The following CLINT1 variants were observed in gnomAD, a reference collection of about 807,000 sequenced individuals.
CLINT1 encodes the protein clathrin interacting protein localized in the trans-Golgi region.
Under a neutral mutation model 70.4 loss-of-function variants are expected in CLINT1, and 15 were observed. The ratio of observed to expected loss-of-function variants is 0.21; its 90% CI spans 0.14 to 0.33. The LOEUF (loss-of-function observed/expected upper bound fraction) is 0.33. CLINT1 is among the 10% of genes least tolerant of loss of function. CLINT1 has a pLI of 1.00. For missense variants in CLINT1, 615 were observed against 778.1 expected (o/e 0.79, Z 2.49); for synonymous variants, 227 against 254.7 (o/e 0.89, Z 1.04).
intron 5 of CLINT1, among the ~76,000 whole-genome samples, chr5:157,810,348 A>G (rs1762517778): frequency 6.6e-6 from 1 of 152,202 alleles, no homozygotes; most frequent in Non-Finnish European, 1.5e-5. Context: ...AAATAATTCA[A>G]TGAATTTTCA....
intron 7 of CLINT1, among the ~76,000 whole-genome samples, chr5:157,804,493 T>C (rs191041424): frequency 2.0e-5 from 3 of 152,304 alleles, no homozygotes; most frequent in Admixed American, 6.5e-5. Flanking sequence ...GATTTGAACT[T>C]TGAAAACTAA....
intron 10 of CLINT1, chr5:157,790,513 A>G (rs1258618584): frequency 5.7e-6 from 2 of 349,496 alleles, no homozygotes; most frequent in Non-Finnish European, 1.1e-5. Context: ...GAATTATGAC[A>G]GTTACAATTA....
In CLINT1 at chr5:157,858,933, T is replaced by C; in HGVS notation, c.38A>G (p.Lys13Arg). Residue 13 changes from lysine to arginine, a missense_variant, in exon 1 of 12, where the codon AAA becomes AGA. Physicochemically the swap from Lys to Arg is conservative, Grantham distance 26. Coordinates refer to ENST00000411809, the MANE Select transcript of CLINT1 (RefSeq NM_014666.4). ...NMWKVRELVD[K>R]ATNVVMNYSE... ...ACAACTGCCCCCCGATACTCACGCT[T>C]TGTCCACCAGCTCGCGCACCTTCCA... is the stretch of plus-strand genomic sequence containing the variant. The C allele has an allele frequency of 7.3e-7, 1 of 1,369,368 alleles. No individual in the cohort carries two copies. Among genetic ancestry groups the C allele is most frequent in the Non-Finnish European group, 9.7e-7 (1 of 1,032,256 alleles). The allele number at this position is 1,369,368 out of a possible 1,614,324, so 84.8% of individuals were successfully genotyped here.
intron 10 of CLINT1, among the ~76,000 whole-genome samples, chr5:157,791,047 T>C (rs1561635073): frequency 6.6e-6 from 1 of 151,940 alleles, no homozygotes; most frequent in Non-Finnish European, 1.5e-5. Context: ...TGAAACAATA[T>C]CTCTATTTCT....
Position 157,786,865 on chromosome 5 carries a change from C to G in CLINT1, c.*781G>C, listed in dbSNP as rs1761743061. 6.6e-6 allele frequency: 1 copy of G among 152,148 alleles called. No individual in the cohort carries two copies. The highest frequency in any genetic ancestry group is 2.1e-4 in the South Asian group (1 of 4,828). The allele number at this position is 152,148 out of a possible 1,614,324, so 9.4% of individuals were successfully genotyped here. A position where few individuals can be genotyped will look rare whatever the true frequency, so the allele number is the denominator to read the frequency against. On this transcript the variant is annotated 3_prime_UTR_variant, in exon 12 of 12. Transcript: ENST00000411809. ...GGAAGCCTTGCCAAGTTAATCACTG[C>G]AAATTGTAAATAATGACTGCTAAAA...
chr5:157,815,050 T>C (rs1010558991), intron 3 of CLINT1, among the ~76,000 whole-genome samples: 1 of 146,012 alleles, frequency 6.8e-6, no homozygotes, highest in African/African-American at 2.5e-5. Flanking sequence ...AAAAAAAAGA[T>C]TGTTACCAAA....
chr5:157,832,304 A>G (rs1272121667), intron 1 of CLINT1, among the ~76,000 whole-genome samples: 1 of 152,156 alleles, frequency 6.6e-6, no homozygotes, highest in African/African-American at 2.4e-5. Flanking sequence ...TTACAATATT[A>G]CTTTCTATGT....
At chr5:157,809,962 C>T (rs1762504526) in intron 5 of CLINT1, among the ~76,000 whole-genome samples, 157 bp from the exon 6 acceptor site, 1 of 152,168 alleles carries the variant, frequency 6.6e-6, no homozygotes, top group African/African-American at 2.4e-5. Flanking sequence ...TACAGCAAGG[C>T]ATAGCATGTA....
At chr5:157,806,246 A>C (rs1253258141) in intron 6 of CLINT1, 134 bp from the exon 7 acceptor site, 1 of 833,120 alleles carries the variant, frequency 1.2e-6, no homozygotes, top group Admixed American at 2.7e-5. Context: ...ACAGGGATCA[A>C]CAGAATGTTA....
intron 1 of CLINT1, among the ~76,000 whole-genome samples, chr5:157,844,847 T>C (rs1753314886): frequency 6.6e-6 from 1 of 152,222 alleles, no homozygotes; most frequent in African/African-American, 2.4e-5. Context: ...AAAATATTTT[T>C]TACAATTGCT....
At chr5:157,810,585 A>G (rs759507177) in intron 5 of CLINT1, among the ~76,000 whole-genome samples, 34 of 152,288 alleles carry the variant, frequency 2.2e-4, no homozygotes, top group Non-Finnish European at 4.6e-4. Flanking sequence ...AAAACCCAAA[A>G]TGTCAAGATT....
Position 157,813,168 on chromosome 5 carries a change from A to G in CLINT1, c.412T>C (p.Phe138Leu), listed in dbSNP as rs1412156461. 6.2e-7 allele frequency: 1 copy of G among 1,613,794 alleles called. No individual in the cohort carries two copies. The highest frequency in any genetic ancestry group is 2.2e-5 in the East Asian group (1 of 44,850). Residue 138 changes from phenylalanine (F) to leucine (L), a missense_variant, in exon 5 of 12, where the codon TTT becomes CTT. Phe to Leu is a conservative substitution (Grantham distance 22, BLOSUM62 0). This residue lies in a region of CLINT1 where 241 missense variants were observed against 368.6 expected (regional missense o/e 0.65). Transcript: ENST00000411809. Reference sequence around the variant, plus strand: ...CGAAGCCTGTCGTCATCCTGGGCAAATTCAACCAATTCCTTCACCTTCTGT... The same window carrying G: ...CGAAGCCTGTCGTCATCCTGGGCAAGTTCAACCAATTCCTTCACCTTCTGT... The part of the protein sequence containing the change: ...IRQKVKELVE[F>L]AQDDDRLREE...
At chr5:157,832,231 C>G (rs1005061082) in intron 1 of CLINT1, among the ~76,000 whole-genome samples, 5 of 152,180 alleles carry the variant, frequency 3.3e-5, no homozygotes, top group Admixed American at 6.5e-5. Context: ...CATCTGCCCC[C>G]CTCAGCCTCC....
intron 3 of CLINT1, among the ~76,000 whole-genome samples, chr5:157,816,014 C>G (rs1581503797): frequency 1.3e-5 from 2 of 152,088 alleles, no homozygotes; most frequent in East Asian, 1.9e-4. Flanking sequence ...AAACTAAAAG[C>G]AAATTTAATT....
At position 157,789,478 on chromosome 5, in the gene CLINT1, G is replaced by A. The variant is rs559799646; in HGVS notation, c.1416C>T (p.Thr472=). 1.2e-6 allele frequency: 2 copies of A among 1,613,902 alleles called. No homozygotes were observed. Among genetic ancestry groups the A allele is most frequent in the Non-Finnish European group, 1.7e-6 (2 of 1,179,834 alleles). Reference sequence around the variant, plus strand: ...TGGGGTCAGACCAAGTAGAGGGCAAGGTTTTGCTGACTGATTTCTGGACCA... The same window carrying A: ...TGGGGTCAGACCAAGTAGAGGGCAAAGTTTTGCTGACTGATTTCTGGACCA... ...TDMVQKSVSK[T]LPSTWSDPSV... is the part of the protein sequence containing the mutation. The change falls in exon 11 of 12, where the codon ACC becomes ACT. Residue 472 remains threonine (T), a synonymous_variant. Coordinates refer to ENST00000411809, the MANE Select transcript of CLINT1 (RefSeq NM_014666.4).
At chr5:157,821,897 T>C (rs1409915993) in intron 1 of CLINT1, among the ~76,000 whole-genome samples, 2 of 152,148 alleles carry the variant, frequency 1.3e-5, no homozygotes, top group African/African-American at 4.8e-5. Context: ...ATGAAACTGT[T>C]TGTTGTTTCC....
At chr5:157,848,717 A>C (rs965005309) in intron 1 of CLINT1, among the ~76,000 whole-genome samples, 10 of 152,174 alleles carry the variant, frequency 6.6e-5, no homozygotes, top group African/African-American at 2.4e-4. Flanking sequence ...GCTGGAGTGC[A>C]GTGATGCAAT....
intron 1 of CLINT1, among the ~76,000 whole-genome samples, chr5:157,839,447 A>G (rs1694958206): frequency 1.3e-5 from 2 of 152,146 alleles, no homozygotes; most frequent in Admixed American, 6.5e-5. Context: ...CTAAAAATAC[A>G]AAAATCAGCT....
intron 9 of CLINT1, among the ~76,000 whole-genome samples, chr5:157,792,546 TA>T (rs929167338): frequency 2.0e-5 from 3 of 151,094 alleles, no homozygotes; most frequent in Non-Finnish European, 1.5e-5. Flanking sequence ...AGACTCCGTC[TA>T]AAAAAAAATG....
Sources: gnomAD v4.1 joint callset for allele counts (sites outside exome capture counted in the v4.1 genomes callset) on GRCh38, gnomAD v4.1.1 for gene constraint, gnomAD v4.1.1 regional missense constraint, MANE v1.5 for transcripts, NCBI Gene and HGNC (gene_info 2026-07-23, HGNC 2026-07-21) for gene names.